Variants in APP observed in about 807,000 individuals in gnomAD.
APP encodes amyloid-beta precursor protein.
A neutral mutation model predicts 101.4 loss-of-function variants in APP; 31 were observed. That is an observed-to-expected ratio of 0.31 (90% CI 0.23 to 0.41). The LOEUF is 0.41. Ranked by LOEUF, APP falls within the 10% of genes least tolerant of loss-of-function variation. The probability of loss-of-function intolerance (pLI) is 1.00; values close to 1 mark genes in which losing one functional copy is unlikely to be tolerated. For missense variants in APP, 839 were observed against 1,003.7 expected (o/e 0.84, Z 2.22); for synonymous variants, 366 against 364.4 (o/e 1.00, Z -0.05).
chr21:25,887,377 A>G (rs2037393456), intron 17 of APP, among the ~76,000 whole-genome samples: 1 of 152,154 alleles, frequency 6.6e-6, no homozygotes, highest in Non-Finnish European at 1.5e-5. Flanking sequence ...AGTGGTAATA[A>G]TAAAGGGCTA....
At chr21:26,091,350 A>G (rs951563502) in intron 2 of APP, among the ~76,000 whole-genome samples, 6 of 152,202 alleles carry the variant, frequency 3.9e-5, no homozygotes, top group Non-Finnish European at 7.3e-5. Flanking sequence ...TGAGGTGGTA[A>G]TAAGTAGTAC....
At chr21:26,052,994 G>A (rs752658226) in intron 4 of APP, among the ~76,000 whole-genome samples, 7 of 152,096 alleles carry the variant, frequency 4.6e-5, no homozygotes, top group Non-Finnish European at 1.0e-4. Flanking sequence ...AATATTCATG[G>A]ATGGGGAGGC....
intron 11 of APP, 101 bp from the exon 12 acceptor site, chr21:25,955,856 G>T: frequency 6.4e-7 from 1 of 1,561,862 alleles, no homozygotes. Context: ...CCGGTCATGT[G>T]AACGTACTGT....
chr21:25,964,968 T>C (rs2146529135), intron 11 of APP, among the ~76,000 whole-genome samples: 1 of 152,282 alleles, frequency 6.6e-6, no homozygotes, highest in Admixed American at 6.5e-5. Context: ...TCAGAAATAA[T>C]TTATTTTGGT....
At chr21:26,099,422 T>C (rs2062012242) in intron 2 of APP, among the ~76,000 whole-genome samples, 1 of 152,244 alleles carries the variant, frequency 6.6e-6, no homozygotes, top group Non-Finnish European at 1.5e-5. Context: ...GTTTTATGTG[T>C]AGCACATCAT....
intron 1 of APP, among the ~76,000 whole-genome samples, chr21:26,136,169 A>G (rs761096247): frequency 1.8e-4 from 17 of 92,014 alleles, no homozygotes; most frequent in African/African-American, 9.1e-4. Context: ...GAAAAGAAAG[A>G]AAAGAAAGAA....
At chr21:26,120,675 C>T (rs952200569) in intron 1 of APP, among the ~76,000 whole-genome samples, 7 of 151,842 alleles carry the variant, frequency 4.6e-5, no homozygotes, top group Admixed American at 1.3e-4. Flanking sequence ...TTTTTTAGAC[C>T]TCTGCAAATG....
chr21:25,955,774 A>C lies in APP; in HGVS notation c.1459-19T>G. 2 of 1,614,036 alleles carry C rather than the reference A, an allele frequency of 1.2e-6. No individual in the cohort carries two copies. Among genetic ancestry groups the C allele is most frequent in the Non-Finnish European group, 1.7e-6 (2 of 1,179,950 alleles). On this transcript the variant is annotated intron_variant, in intron 11 of 17. Transcript: ENST00000346798. The stretch of plus-strand genomic sequence containing the variant: ...GACGAGGCTGTGGGAGGAAAATGAA[A>C]AACTCTTTTTCAAGTTTGTGCAAAA...
chr21:25,889,046 G>A (rs1431882621), intron 17 of APP, among the ~76,000 whole-genome samples: 1 of 152,192 alleles, frequency 6.6e-6, no homozygotes, highest in Non-Finnish European at 1.5e-5. Flanking sequence ...GCCAGGGGAA[G>A]GAGCTCCAGG....
chr21:25,913,322 A>C (rs917760848), intron 13 of APP, among the ~76,000 whole-genome samples: 23 of 152,198 alleles, frequency 1.5e-4, no homozygotes, highest in African/African-American at 5.5e-4. Flanking sequence ...TTGAAGTCTA[A>C]TCTGAGTTAT....
intron 5 of APP, among the ~76,000 whole-genome samples, chr21:26,045,127 C>G (rs1462375831): frequency 1.3e-5 from 2 of 152,172 alleles, no homozygotes; most frequent in Non-Finnish European, 2.9e-5. Context: ...AAAAGACTGG[C>G]TTGATCATTT....
At chr21:26,030,171 G>A (rs1418882463) in intron 5 of APP, among the ~76,000 whole-genome samples, 2 of 152,156 alleles carry the variant, frequency 1.3e-5, no homozygotes, top group African/African-American at 4.8e-5. Context: ...CCAAGGAGTG[G>A]ACAGTTTATA....
chr21:26,123,179 C>T (rs2062611567), intron 1 of APP, among the ~76,000 whole-genome samples: 1 of 152,126 alleles, frequency 6.6e-6, no homozygotes, highest in Non-Finnish European at 1.5e-5. Context: ...AGGATATTTA[C>T]ATTATATCGT....
At chr21:25,896,592 A>G (rs2038067063) in intron 16 of APP, among the ~76,000 whole-genome samples, 1 of 152,176 alleles carries the variant, frequency 6.6e-6, no homozygotes, top group African/African-American at 2.4e-5. Context: ...ACCCTAACAT[A>G]ATCCACGATT....
At chr21:26,162,975 C>G (rs1232924483) in intron 1 of APP, among the ~76,000 whole-genome samples, 1 of 149,896 alleles carries the variant, frequency 6.7e-6, no homozygotes, top group Non-Finnish European at 1.5e-5. Flanking sequence ...CACCTGTTAT[C>G]CCAGCACTTT....
At chr21:26,014,294 T>C (rs538036522) in intron 6 of APP, among the ~76,000 whole-genome samples, 1 of 152,340 alleles carries the variant, frequency 6.6e-6, no homozygotes, top group Non-Finnish European at 1.5e-5. Flanking sequence ...TAGTGAATTA[T>C]AGGATACCTT....
In APP at chr21:25,890,759, G is replaced by A. The variant is rs1449841776; in HGVS notation, c.2211+963C>T. Among the ~76,000 whole-genome samples, 3 of 149,514 alleles carry A rather than the reference G, an allele frequency of 2.0e-5. No homozygotes were observed. The East Asian group carries it at 5.9e-4, about 29-fold the overall frequency. On this transcript the variant is annotated intron_variant, in intron 17 of 17. Transcript: ENST00000346798. The stretch of plus-strand genomic sequence containing the variant: ...AAAAAAGCAATGGGGAATATGAGGG[G>A]AAATCTGGACTCTGAGCTTGACCTT...
In APP at chr21:25,944,958, G is replaced by A. The variant is rs568829044; in HGVS notation, c.1687+9632C>T. 2.8e-3 allele frequency among the ~76,000 whole-genome samples: 430 copies of A among 152,186 alleles called. 2 individuals are homozygous for A. The highest frequency in any genetic ancestry group is 9.9e-3 in the African/African-American group (413 of 41,520). ...TTTCAAATTACAGGGCCATACAAAC[G>A]AGCTGGTGAGTTGAGAAAATAGCTT... On this transcript the variant is annotated intron_variant, in intron 13 of 17. Transcript: ENST00000346798.
At chr21:25,933,858 T>C (rs2040250312) in intron 13 of APP, 1 of 152,144 alleles carries the variant, frequency 6.6e-6, no homozygotes, top group African/African-American at 2.4e-5. Context: ...TTAAATTTGA[T>C]AGTGGTTGAA....
Sources: allele counts gnomAD v4.1 joint callset (sites outside exome capture counted in the v4.1 genomes callset), GRCh38; gene constraint gnomAD v4.1.1; transcripts MANE v1.5; gene names NCBI Gene and HGNC (gene_info 2026-07-23, HGNC 2026-07-21).